The following RALGPS2 variants were observed in gnomAD, a reference collection of about 807,000 sequenced individuals.
RALGPS2 encodes Ral GEF with PH domain and SH3 binding motif 2, also known as ras-specific guanine nucleotide-releasing factor RalGPS2.
RALGPS2 carries 43 observed loss-of-function variants against 86.8 expected under a neutral mutation model. The ratio of observed to expected loss-of-function variants is 0.50; its 90% CI spans 0.39 to 0.64. RALGPS2 has a LOEUF of 0.64. RALGPS2 is among the 30% of genes least tolerant of loss of function. The pLI is 0.00. For synonymous variants in RALGPS2, 243 were observed against 231.3 expected (o/e 1.05, Z -0.46); for missense variants, 536 against 694.6 (o/e 0.77, Z 2.57).
chr1:178,879,927 G>A (rs1047173769), intron 10 of RALGPS2: 7 of 151,586 alleles, frequency 4.6e-5, no homozygotes, highest in Non-Finnish European at 7.4e-5. Context: ...ATCTTTCGTT[G>A]ATACAGTTTA....
At chr1:178,811,942 C>G (rs1285534726) in intron 6 of RALGPS2, among the ~76,000 whole-genome samples, 1 of 152,086 alleles carries the variant, frequency 6.6e-6, no homozygotes, top group Non-Finnish European at 1.5e-5. Flanking sequence ...ACAGGATGTT[C>G]TACAAAGGAT....
chr1:178,849,105 G>A (rs527756126), intron 8 of RALGPS2, among the ~76,000 whole-genome samples: 7 of 152,188 alleles, frequency 4.6e-5, no homozygotes, highest in African/African-American at 7.2e-5. Flanking sequence ...TTATTTGATC[G>A]TCACAAAAAC....
chr1:178,817,330 G>A (rs1439808908), intron 6 of RALGPS2, among the ~76,000 whole-genome samples: 2 of 120,962 alleles, frequency 1.7e-5, no homozygotes, highest in Non-Finnish European at 3.2e-5. Context: ...GGGCGACAGA[G>A]ACTCTGTCTC....
chr1:178,749,114 T>C (rs75949786), intron 1 of RALGPS2, among the ~76,000 whole-genome samples: 2,855 of 152,276 alleles, frequency 0.019, 85 homozygotes, highest in African/African-American at 0.065. Flanking sequence ...CAACAACCCA[T>C]TTAGTCTGTC....
chr1:178,795,297 C>A lies in RALGPS2; in HGVS notation c.213+9690C>A, dbSNP rs548432433. 2.4e-4 allele frequency among the ~76,000 whole-genome samples: 36 copies of A among 152,088 alleles called. No homozygotes were observed. In the South Asian group the frequency reaches 4.4e-3, roughly 18 times the overall value. On this transcript the variant is annotated intron_variant, in intron 4 of 19. Transcript: ENST00000367635. ...GATATTAAATTCAAAAAATAATAAG[C>A]CCCTCTATATAACTGGGATCACTAG...
At chr1:178,748,991 GT>G (rs1248151028) in intron 1 of RALGPS2, among the ~76,000 whole-genome samples, 6 of 151,584 alleles carry the variant, frequency 4.0e-5, no homozygotes, top group Admixed American at 1.3e-4. Context: ...AGGTTTTTTT[GT>G]TTGTTTGTTT....
intron 19 of RALGPS2, among the ~76,000 whole-genome samples, chr1:178,909,720 G>A (rs949158691): frequency 2.1e-5 from 3 of 145,224 alleles, no homozygotes; most frequent in East Asian, 2.0e-4. Flanking sequence ...CGCGGTCTCG[G>A]CTCATTGCAA....
At chr1:178,895,373 T>C (rs1192814085) in intron 16 of RALGPS2, among the ~76,000 whole-genome samples, 1 of 152,040 alleles carries the variant, frequency 6.6e-6, no homozygotes, top group Non-Finnish European at 1.5e-5. Flanking sequence ...ACCATACCTT[T>C]TGTGTGCTGG....
chr1:178,743,343 A>AT (rs1286777082), intron 1 of RALGPS2, among the ~76,000 whole-genome samples: 1 of 152,244 alleles, frequency 6.6e-6, no homozygotes, highest in East Asian at 1.9e-4. Context: ...ACCTTCAGGC[A>AT]TTAGAGGAAG....
intron 1 of RALGPS2, among the ~76,000 whole-genome samples, chr1:178,763,976 G>A (rs1027751314): frequency 2.6e-5 from 4 of 151,992 alleles, no homozygotes; most frequent in Admixed American, 1.3e-4. Context: ...TCTCTTGTCT[G>A]TGTGGAGTGT....
chr1:178,855,670 T>G (rs1257357289), intron 8 of RALGPS2, among the ~76,000 whole-genome samples: 1 of 151,850 alleles, frequency 6.6e-6, no homozygotes, highest in Non-Finnish European at 1.5e-5. Context: ...TATCTTTGCA[T>G]TCGTTATAAA....
At chr1:178,797,985 TAAA>T (rs57049056) in intron 4 of RALGPS2, among the ~76,000 whole-genome samples, 1 of 95,406 alleles carries the variant, frequency 1.0e-5, no homozygotes. Context: ...CAACAATTTG[TAAA>T]AAAAAAAAAA....
chr1:178,853,564 A>C, intron 8 of RALGPS2: 2 of 1,487,708 alleles, frequency 1.3e-6, no homozygotes, highest in Non-Finnish European at 9.0e-7. Flanking sequence ...GATTTGTTTT[A>C]CTTCCCTTAG....
chr1:178,866,504 A>G (rs958487407), intron 8 of RALGPS2, among the ~76,000 whole-genome samples: 2 of 152,168 alleles, frequency 1.3e-5, no homozygotes, highest in Non-Finnish European at 2.9e-5. Context: ...AACTGTAATT[A>G]TATGTACTCT....
intron 4 of RALGPS2, among the ~76,000 whole-genome samples, chr1:178,789,154 G>A (rs995776982): frequency 3.9e-5 from 6 of 152,094 alleles, no homozygotes; most frequent in African/African-American, 7.2e-5. Flanking sequence ...TGATCCACCC[G>A]CCTTGGCCTC....
intron 1 of RALGPS2, among the ~76,000 whole-genome samples, chr1:178,732,282 T>A (rs1180177558): frequency 6.8e-6 from 1 of 146,986 alleles, no homozygotes; most frequent in Non-Finnish European, 1.5e-5. Flanking sequence ...GAATTTTATG[T>A]TCCTGATTTA....
At chr1:178,881,101 C>T (rs1659227205) in intron 10 of RALGPS2, among the ~76,000 whole-genome samples, 1 of 152,104 alleles carries the variant, frequency 6.6e-6, no homozygotes, top group African/African-American at 2.4e-5. Flanking sequence ...TTCTTGCCCT[C>T]AAGAAGCTCA....
intron 1 of RALGPS2, among the ~76,000 whole-genome samples, chr1:178,757,547 A>G (rs1652017391): frequency 6.6e-6 from 1 of 152,128 alleles, no homozygotes; most frequent in Admixed American, 6.6e-5. Context: ...TATTGAGATG[A>G]TCATAGGGTT....
intron 1 of RALGPS2, among the ~76,000 whole-genome samples, chr1:178,773,699 G>C (rs554972324): frequency 2.6e-5 from 4 of 151,872 alleles, no homozygotes; most frequent in Non-Finnish European, 5.9e-5. Flanking sequence ...AGGAGGCTGA[G>C]GCAGGAGAAT....
Sources: gnomAD v4.1 joint callset for allele counts (sites outside exome capture counted in the v4.1 genomes callset) on GRCh38, gnomAD v4.1.1 for gene constraint, MANE v1.5 for transcripts, NCBI Gene and HGNC (gene_info 2026-07-23, HGNC 2026-07-21) for gene names.